Variants in DMD observed in about 807,000 individuals in gnomAD.
The protein encoded by DMD is mutant dystrophin.
A neutral mutation model predicts 330.1 loss-of-function variants in DMD; 63 were observed. That is an observed-to-expected ratio of 0.19 (90% CI 0.16 to 0.24). The LOEUF is 0.24. Among genes scored for constraint, DMD ranks in the 10% least tolerant of loss-of-function variants. DMD has a pLI of 1.00. For missense variants in DMD, 3,344 were observed against 2,684.1 expected (o/e 1.25, Z -5.43); for synonymous variants, 1,223 against 959.8 (o/e 1.27, Z -5.07).
intron 44 of DMD, among the ~76,000 whole-genome samples, chrX:32,193,593 T>C (rs1339237131): frequency 5.4e-5 from 6 of 111,459 alleles, no homozygotes; most frequent in African/African-American, 2.0e-4. Context: ...CCCTTTATTT[T>C]TTGCACATTT....
chrX:31,157,728 T>G (rs2038311252), intron 74 of DMD, among the ~76,000 whole-genome samples: 1 of 111,217 alleles, frequency 9.0e-6, no homozygotes, highest in East Asian at 2.8e-4. Flanking sequence ...CTCCCTGGCA[T>G]GCACTGCTAT....
At chrX:32,408,208 T>G (rs926493449) in intron 30 of DMD, among the ~76,000 whole-genome samples, 10 of 112,031 alleles carry the variant, frequency 8.9e-5, no homozygotes, top group African/African-American at 3.2e-4. Flanking sequence ...CCTGGCAGCA[T>G]GCAGCTTTAT....
chrX:31,376,070 CA>C (rs1297371558), intron 60 of DMD, among the ~76,000 whole-genome samples: 1 of 111,556 alleles, frequency 9.0e-6, no homozygotes, highest in Non-Finnish European at 1.9e-5. Context: ...TTTTTTACAC[CA>C]ATGTTTCTAA....
At chrX:33,179,838 CTTTT>C (rs761219197) in intron 1 of DMD, among the ~76,000 whole-genome samples, 1 of 100,069 alleles carries the variant, frequency 1.0e-5, no homozygotes, top group Admixed American at 1.1e-4. Flanking sequence ...TTAAAAAGTG[CTTTT>C]TTTTTTTTTT....
In DMD at chrX:32,472,320, A is replaced by C. The variant is rs766492772; in HGVS notation, c.2804-11T>G. 8.3e-7 allele frequency: 1 copy of C among 1,208,854 alleles called. No homozygotes were observed. Among genetic ancestry groups the C allele is most frequent in the Non-Finnish European group, 1.1e-6 (1 of 893,265 alleles). ...GCAAAGTGTCAAAAACTTTATCAAA[A>C]GGGAAAAAAGAATGAGAATCACTTA... On this transcript the variant is annotated splice_polypyrimidine_tract_variant and intron_variant, in intron 21 of 78. Transcript: ENST00000357033.
intron 9 of DMD, among the ~76,000 whole-genome samples, chrX:32,666,270 A>G (rs112471098): frequency 3.3e-3 from 363 of 110,580 alleles, no homozygotes; most frequent in African/African-American, 0.011. Context: ...TACATGTGCT[A>G]TAGTGGTTTG....
At chrX:33,128,283 T>C in intron 1 of DMD, 1 of 1,098,239 alleles carries the variant, frequency 9.1e-7, no homozygotes, top group Non-Finnish European at 1.2e-6. Flanking sequence ...GGTAGAGTCA[T>C]AGCCAAGCAC....
At chrX:33,195,705 C>T (rs777585519) in intron 1 of DMD, among the ~76,000 whole-genome samples, 2 of 104,709 alleles carry the variant, frequency 1.9e-5, no homozygotes, top group Admixed American at 2.2e-4. Context: ...AAAGTATCTA[C>T]TTAGGATTAT....
rs554990443 is a variant in DMD, at chrX:31,556,200, T to C, written c.8218-48747A>G. On this transcript the variant is annotated intron_variant, in intron 55 of 78. Coordinates refer to ENST00000357033, the MANE Select transcript of DMD (RefSeq NM_004006.3). ...GGCTAACAAGGAGAAACCCCATCTC[T>C]ACTAAAAATGCACAAAATTAGCCAG... Among the ~76,000 whole-genome samples the C allele has an allele frequency of 4.6e-5, 5 of 108,819 alleles. No individual in the cohort carries two copies. In the East Asian group the frequency reaches 1.4e-3, roughly 32 times the overall value. The allele number at this position is 108,819 out of a possible 115,157, so 94.5% of individuals were successfully genotyped here. A position where few individuals can be genotyped will look rare whatever the true frequency, so the allele number is the denominator to read the frequency against.
At chrX:32,389,998 C>A in intron 31 of DMD, 73 bp downstream of exon 31, 1 of 827,036 alleles carries the variant, frequency 1.2e-6, no homozygotes, top group East Asian at 3.2e-5. Flanking sequence ...TGCCAATAAT[C>A]AAGTTGTCCA....
chrX:33,336,035 CCTT>C (rs1232459274), intron 1 of DMD, among the ~76,000 whole-genome samples: 3 of 111,142 alleles, frequency 2.7e-5, no homozygotes, highest in Admixed American at 1.9e-4. Context: ...AACCATCTCA[CCTT>C]CTTCAGGAAT....
intron 60 of DMD, among the ~76,000 whole-genome samples, chrX:31,374,344 A>G (rs1167260306): frequency 9.4e-6 from 1 of 105,922 alleles, no homozygotes; most frequent in Non-Finnish European, 1.9e-5. Flanking sequence ...AGGACTATAA[A>G]TCATGCTGCT....
At chrX:33,012,841 C>G (rs1243546268) in intron 2 of DMD, among the ~76,000 whole-genome samples, 1 of 111,228 alleles carries the variant, frequency 9.0e-6, no homozygotes, top group Non-Finnish European at 1.9e-5. Flanking sequence ...ATATTTTCAA[C>G]TTATGATGGG....
At position 31,968,342 on chromosome X, in the gene DMD, T is replaced by C; in HGVS notation, c.6611A>G (p.Lys2204Arg). Residue 2204 changes from lysine (K) to arginine (R), a missense_variant, in exon 45 of 79, where the codon AAG becomes AGG. Coordinates refer to ENST00000357033, the MANE Select transcript of DMD (RefSeq NM_004006.3). Reference protein sequence around the residue: ...EVCKQLSDRKKRLEEQKNILS... With the variant: ...EVCKQLSDRKRRLEEQKNILS... ...CCTATTAGATCTGTCGCCCTACCTCTTTTTTCTGTCTGACAGCTGTTTGCA... is the reference window on the plus strand; with the variant it reads ...CCTATTAGATCTGTCGCCCTACCTCCTTTTTCTGTCTGACAGCTGTTTGCA... 1 of 1,210,242 alleles carries C rather than the reference T, an allele frequency of 8.3e-7. No homozygotes were observed. The highest frequency in any genetic ancestry group is 1.1e-6 in the Non-Finnish European group (1 of 894,327).
At chrX:32,516,806 A>C (rs1458359921) in intron 18 of DMD, 1 of 111,425 alleles carries the variant, frequency 9.0e-6, no homozygotes, top group East Asian at 2.8e-4. Flanking sequence ...CATTTAGCTA[A>C]TTTTCTACAA....
intron 2 of DMD, among the ~76,000 whole-genome samples, chrX:32,864,038 G>A (rs896593526): frequency 1.8e-5 from 2 of 112,565 alleles, no homozygotes; most frequent in Admixed American, 9.4e-5. Context: ...AAAGGAGAAC[G>A]TCTGTCACTG....
intron 70 of DMD, 177 bp from the exon 71 acceptor site, chrX:31,178,147 T>A: frequency 4.0e-6 from 3 of 749,886 alleles, no homozygotes; most frequent in Non-Finnish European, 4.7e-6. Flanking sequence ...GTGACTGCCA[T>A]CAGAGTTAAG....
chrX:32,691,598 G>T (rs781440779), intron 9 of DMD, among the ~76,000 whole-genome samples: 1 of 111,303 alleles, frequency 9.0e-6, no homozygotes, highest in African/African-American at 3.3e-5. Flanking sequence ...AAATAATATA[G>T]TTGCTCCTCA....
At chrX:31,273,738 T>C (rs1171284561) in intron 62 of DMD, among the ~76,000 whole-genome samples, 1 of 111,480 alleles carries the variant, frequency 9.0e-6, no homozygotes, top group Non-Finnish European at 1.9e-5. Flanking sequence ...GCTTCCTTAA[T>C]CTTCAGCAAG....
Sources: gnomAD v4.1 joint callset for allele counts (sites outside exome capture counted in the v4.1 genomes callset) on GRCh38, gnomAD v4.1.1 for gene constraint, MANE v1.5 for transcripts, NCBI Gene and HGNC (gene_info 2026-07-23, HGNC 2026-07-21) for gene names.